The following TOP2B variants were observed in gnomAD, a reference collection of about 807,000 sequenced individuals.
The protein encoded by TOP2B is DNA topoisomerase II beta.
A neutral mutation model predicts 193.5 loss-of-function variants in TOP2B; 51 were observed. The ratio of observed to expected loss-of-function variants is 0.26; its 90% confidence interval spans 0.21 to 0.33. The LOEUF is 0.33. Among genes scored for constraint, TOP2B ranks in the 10% least tolerant of loss-of-function variants. The pLI, the probability that TOP2B is intolerant of heterozygous loss-of-function variation, is 1.00. For missense variants in TOP2B, 1,378 were observed against 1,909.3 expected (o/e 0.72, Z 5.19); for synonymous variants, 634 against 635.7 (o/e 1.00, Z 0.04).
chr3:25,649,870 GATAAAA>G (rs1703531636), intron 1 of TOP2B, among the ~76,000 whole-genome samples: 1 of 151,952 alleles, frequency 6.6e-6, no homozygotes, highest in Admixed American at 6.6e-5. Context: ...GGAATCAAAA[GATAAAA>G]ATAAAAAATA....
chr3:25,639,768 A>G (rs752217956), intron 4 of TOP2B, among the ~76,000 whole-genome samples: 8 of 152,168 alleles, frequency 5.3e-5, no homozygotes, highest in Non-Finnish European at 1.0e-4. Context: ...CTTGTATTTA[A>G]TCTGTTCTCA....
At chr3:25,634,906 T>C (rs1703064343) in intron 7 of TOP2B, among the ~76,000 whole-genome samples, 1 of 151,110 alleles carries the variant, frequency 6.6e-6, no homozygotes, top group South Asian at 2.1e-4. Flanking sequence ...AGAAAAAAAG[T>C]CTTTACCTAT....
rs192480433 is a variant in TOP2B at position 25,620,321 on chromosome 3, C to G, written c.2863-259G>C. On this transcript the variant is annotated intron_variant, in intron 22 of 35. Transcript: ENST00000264331. ...AGGCTGAGTATGAAAAGGATGACAT[C>G]AACTGGAACTGTCAAGAGGTGACAT... Among the ~76,000 whole-genome samples the G allele has an allele frequency of 2.1e-4, 32 of 151,866 alleles. No homozygotes were observed. The East Asian group carries it at 5.8e-3, about 28-fold the overall frequency.
rs1253027961 is a variant in TOP2B at position 25,604,841 on chromosome 3, C to A, written c.4408G>T (p.Asp1470Tyr). ...DSAKFDSNEE[D>Y]SASVFSPSFG... ...GATGGTGAAAAAACAGAAGCAGAAT[C>A]TTCTTCATTACTGTCAAATTTAGCT... is the stretch of plus-strand genomic sequence containing the variant. The change falls in exon 33 of 36, where the codon GAT (aspartate) becomes TAT (tyrosine). Residue 1470 changes from aspartate (D) to tyrosine (Y), a missense_variant. Physicochemically the swap from Asp to Tyr is radical, Grantham distance 160 (BLOSUM62 -3). Around this residue, in one of 9 missense-constraint regions of TOP2B, gnomAD observed 556 missense variants for 584.2 expected, o/e 0.95. Coordinates refer to ENST00000264331, the MANE Select transcript of TOP2B (RefSeq NM_001330700.2). The A allele has an allele frequency of 2.5e-6, 4 of 1,612,758 alleles. No homozygotes were observed. In the Admixed American group the frequency reaches 6.7e-5, roughly 27 times the overall value.
chr3:25,659,182 G>GA (rs1388519109), intron 1 of TOP2B, among the ~76,000 whole-genome samples: 1 of 152,090 alleles, frequency 6.6e-6, no homozygotes, highest in Non-Finnish European at 1.5e-5. Flanking sequence ...GCCATCCCAT[G>GA]ATGTTCATTC....
intron 1 of TOP2B, among the ~76,000 whole-genome samples, chr3:25,661,662 TA>T (rs1278640697): frequency 1.3e-5 from 2 of 152,204 alleles, no homozygotes; most frequent in Non-Finnish European, 2.9e-5. Context: ...TTTTTAATTA[TA>T]AAAAATTCTG....
At position 25,606,100 on chromosome 3, in the gene TOP2B, T is replaced by G. The variant is rs911869283; in HGVS notation, c.4321A>C (p.Ser1441Arg). The G allele has an allele frequency of 1.3e-6, 2 of 1,500,422 alleles. No individual in the cohort carries two copies. The highest frequency in any genetic ancestry group is 2.8e-5 in the African/African-American group (2 of 71,822). 92.9% of individuals were successfully genotyped at this position (1,500,422 alleles called of 1,614,324 possible). A position where few individuals can be genotyped will look rare whatever the true frequency, so the allele number is the denominator to read the frequency against. Residue 1441 changes from serine to arginine, a missense_variant, in exon 32 of 36, where the codon AGT becomes CGT. By Grantham distance (110) the Ser-to-Arg change is moderately radical. This residue lies in a region of TOP2B where 556 missense variants were observed against 584.2 expected (regional missense o/e 0.95). Coordinates refer to ENST00000264331, the MANE Select transcript of TOP2B (RefSeq NM_001330700.2). ...TPEKSLHDKKSQDFGNLFSFP... is the reference protein window; with the variant it reads ...TPEKSLHDKKRQDFGNLFSFP... ...GAGAAGAGATTTCCAAAATCCTGAC[T>G]TTTTTTGTCATGCAAAGATTTTCTA...
At chr3:25,598,594 T>C (rs758852415) in intron 35 of TOP2B, 117 bp from the exon 36 acceptor site, 15 of 762,216 alleles carry the variant, frequency 2.0e-5, no homozygotes, top group Non-Finnish European at 2.6e-5. Context: ...ATGGTGCTTT[T>C]AAAATTAGAA....
chr3:25,638,187 A>G lies in TOP2B; in HGVS notation c.519T>C (p.Asp173=), dbSNP rs1703156088. 6.4e-7 allele frequency: 1 copy of G among 1,569,710 alleles called. No homozygotes were observed. Among genetic ancestry groups the G allele is most frequent in the Non-Finnish European group, 8.7e-7 (1 of 1,155,780 alleles). The stretch of plus-strand genomic sequence containing the variant: ...TACCTGTAACTTTTTTCTCATCATC[A>G]TCATAGTTACTGGATGTTAAAAGCT... ...FGQLLTSSNY[D]DDEKKVTGGR... Residue 173 remains aspartate (D), a synonymous_variant, in exon 5 of 36, where the codon GAT becomes GAC. Transcript: ENST00000264331.
rs1252767351 is a variant in TOP2B at position 25,632,765 on chromosome 3, A to G, written c.1056T>C (p.Asp352=). 14 of 1,613,328 alleles carry G rather than the reference A, an allele frequency of 8.7e-6. No individual in the cohort carries two copies. The highest frequency in any genetic ancestry group is 1.2e-5 in the Non-Finnish European group (14 of 1,179,458). Reference sequence around the variant, plus strand: ...CTTCAATCAGTTTACCAACAACTTGATCTACCACATAATCCACGTGCCGTC... The same window carrying G: ...CTTCAATCAGTTTACCAACAACTTGGTCTACCACATAATCCACGTGCCGTC... ...KGGRHVDYVV[D]QVVGKLIEVV... The change falls in exon 9 of 36, where the codon GAT becomes GAC. Residue 352 remains aspartate, a synonymous_variant. Transcript: ENST00000264331.
At chr3:25,640,814 G>T (rs1559505063) in intron 4 of TOP2B, among the ~76,000 whole-genome samples, 1 of 139,016 alleles carries the variant, frequency 7.2e-6, no homozygotes, top group Non-Finnish European at 1.5e-5. Flanking sequence ...CTAGAGTACA[G>T]TGGCACAATC....
intron 30 of TOP2B, among the ~76,000 whole-genome samples, 191 bp downstream of exon 30, chr3:25,608,992 A>G (rs569846891): frequency 1.1e-4 from 16 of 152,308 alleles, no homozygotes; most frequent in African/African-American, 3.4e-4. Flanking sequence ...GGAAAGAAAC[A>G]TGATTCACTT....
At chr3:25,655,773 CCAGTCA>C (rs1362838202) in intron 1 of TOP2B, among the ~76,000 whole-genome samples, 1 of 152,026 alleles carries the variant, frequency 6.6e-6, no homozygotes, top group Admixed American at 6.6e-5. Context: ...ACAAAATAAG[CCAGTCA>C]CAAAGGACAA....
At chr3:25,635,905 T>A (rs201633245) in intron 7 of TOP2B, 31 bp downstream of exon 7, 1 of 1,567,214 alleles carries the variant, frequency 6.4e-7, no homozygotes, top group South Asian at 1.1e-5. Context: ...TAAAATAACA[T>A]AGTATTAAAA....
chr3:25,604,270 C>T (rs115751325), intron 33 of TOP2B, among the ~76,000 whole-genome samples: 31 of 152,158 alleles, frequency 2.0e-4, no homozygotes, highest in Non-Finnish European at 4.4e-4. Context: ...AAAAAGACCA[C>T]GGTACATATA....
At chr3:25,637,522 G>A (rs1239325320) in intron 5 of TOP2B, among the ~76,000 whole-genome samples, 2 of 151,936 alleles carry the variant, frequency 1.3e-5, no homozygotes, top group East Asian at 3.8e-4. Context: ...TAATTAAAAT[G>A]GGTATTTTGT....
At chr3:25,628,129 G>T (rs2125374807) in intron 15 of TOP2B, among the ~76,000 whole-genome samples, 1 of 144,928 alleles carries the variant, frequency 6.9e-6, no homozygotes, top group Non-Finnish European at 1.5e-5. Context: ...TTTTAATACA[G>T]TCCAGGGGAA....
intron 1 of TOP2B, among the ~76,000 whole-genome samples, chr3:25,659,542 C>T (rs1703849675): frequency 6.6e-6 from 1 of 152,114 alleles, no homozygotes; most frequent in Non-Finnish European, 1.5e-5. Flanking sequence ...TTATAATTCC[C>T]TTTGTACAGA....
intron 1 of TOP2B, among the ~76,000 whole-genome samples, chr3:25,652,295 G>A (rs1316296144): frequency 6.6e-6 from 1 of 152,080 alleles, no homozygotes; most frequent in Non-Finnish European, 1.5e-5. Context: ...AAGACACAAA[G>A]AACTTGAACA....
Sources: allele counts gnomAD v4.1 joint callset (sites outside exome capture counted in the v4.1 genomes callset), GRCh38; gene constraint gnomAD v4.1.1; regional missense constraint gnomAD v4.1.1; transcripts MANE v1.5; gene names NCBI Gene and HGNC (gene_info 2026-07-23, HGNC 2026-07-21).